TRAPPC9: variants seen among roughly 807,000 people sequenced by gnomAD.
The protein encoded by TRAPPC9 is IKK2 binding protein.
Under a neutral mutation model 124.0 loss-of-function variants are expected in TRAPPC9, and 83 were observed. The observed-to-expected ratio is 0.67, with a 90% CI of 0.56 to 0.80. The LOEUF is 0.80. Ranked by LOEUF, TRAPPC9 falls within the 30% of genes least tolerant of loss-of-function variation. The pLI, the probability that TRAPPC9 is intolerant of heterozygous loss-of-function variation, is 0.00. For missense variants in TRAPPC9, 1,302 were observed against 1,508.3 expected (o/e 0.86, Z 2.27); for synonymous variants, 638 against 617.5 (o/e 1.03, Z -0.49).
intron 1 of TRAPPC9, 151 bp from the exon 2 acceptor site, chr8:140,451,534 G>A (rs1588383486): frequency 1.6e-5 from 11 of 705,390 alleles, no homozygotes; most frequent in East Asian, 1.1e-4. Flanking sequence ...GGCTCTACAC[G>A]TGGCTGTCGC....
At chr8:139,813,425 G>C (rs1208961267) in intron 21 of TRAPPC9, among the ~76,000 whole-genome samples, 3 of 152,222 alleles carry the variant, frequency 2.0e-5, no homozygotes, top group Non-Finnish European at 2.9e-5. Flanking sequence ...ATGCTCCGGA[G>C]AGAAGGCACC....
intron 17 of TRAPPC9, among the ~76,000 whole-genome samples, chr8:140,072,586 A>AGGAG (rs1319612062): frequency 8.5e-5 from 3 of 35,164 alleles, no homozygotes; most frequent in African/African-American, 3.0e-4. Flanking sequence ...GAGGAGGAGG[A>AGGAG]GAAGGGAAGG....
intron 21 of TRAPPC9, among the ~76,000 whole-genome samples, chr8:139,884,946 T>G (rs545614348): frequency 6.6e-6 from 1 of 151,936 alleles, no homozygotes; most frequent in African/African-American, 2.4e-5. Context: ...GCTGGTGGAG[T>G]GCAAGGAGAA....
At chr8:139,842,556 C>A (rs1826797396) in intron 21 of TRAPPC9, among the ~76,000 whole-genome samples, 1 of 152,072 alleles carries the variant, frequency 6.6e-6, no homozygotes, top group Non-Finnish European at 1.5e-5. Context: ...CGATTCATCA[C>A]ATTTGTAAAT....
intron 21 of TRAPPC9, among the ~76,000 whole-genome samples, chr8:139,791,426 G>T (rs1288929749): frequency 2.2e-5 from 3 of 137,116 alleles, no homozygotes; most frequent in Non-Finnish European, 4.5e-5. Flanking sequence ...CACTCACACA[G>T]GTGTGTCTCC....
At chr8:139,884,282 C>A (rs1023224112) in intron 21 of TRAPPC9, among the ~76,000 whole-genome samples, 1 of 152,044 alleles carries the variant, frequency 6.6e-6, no homozygotes, top group Non-Finnish European at 1.5e-5. Flanking sequence ...CCATCAGAAC[C>A]TCTCCCCCAG....
At chr8:140,453,559 G>A (rs1222803776) in intron 1 of TRAPPC9, among the ~76,000 whole-genome samples, 3 of 70,230 alleles carry the variant, frequency 4.3e-5, no homozygotes, top group Non-Finnish European at 9.7e-5. Flanking sequence ...AATACACATG[G>A]ATAGAGAAGT....
intron 17 of TRAPPC9, among the ~76,000 whole-genome samples, chr8:140,160,643 C>T (rs757307851): frequency 2.3e-3 from 73 of 31,104 alleles, no homozygotes; most frequent in Non-Finnish European, 3.6e-3. Context: ...CAGGGCCTGT[C>T]GGGGGGTGGG....
In TRAPPC9 at chr8:139,932,232, C is replaced by T. The variant is rs187696755; in HGVS notation, c.2811-21932G>A. On this transcript the variant is annotated intron_variant, in intron 19 of 22. Coordinates refer to ENST00000438773, the MANE Select transcript of TRAPPC9 (RefSeq NM_001160372.4). ...CCGCAGGCAGCCCACAGAGCCACTT[C>T]GCCGTGCAGCCGAGGGAGTCCCGCA... 1.5e-3 allele frequency: 647 copies of T among 431,050 alleles called. 3 individuals carry two copies. Among genetic ancestry groups the T allele is most frequent in the African/African-American group, 0.011 (560 of 49,828 alleles). 26.7% of individuals were successfully genotyped at this position (431,050 alleles called of 1,614,324 possible).
chr8:139,863,205 G>T (rs1280743905), intron 21 of TRAPPC9, among the ~76,000 whole-genome samples: 1 of 152,248 alleles, frequency 6.6e-6, no homozygotes, highest in African/African-American at 2.4e-5. Flanking sequence ...GCTCAGGTGG[G>T]TCCTAGCATG....
chr8:139,874,821 T>C (rs1262738288), intron 21 of TRAPPC9, among the ~76,000 whole-genome samples: 2 of 152,120 alleles, frequency 1.3e-5, no homozygotes, highest in Non-Finnish European at 2.9e-5. Flanking sequence ...ACAACAAGCA[T>C]GGCCACAGGT....
At chr8:139,972,499 A>C (rs528497416) in intron 19 of TRAPPC9, among the ~76,000 whole-genome samples, 48 of 152,316 alleles carry the variant, frequency 3.2e-4, no homozygotes, top group African/African-American at 1.2e-3. Flanking sequence ...CGGGGAGGCT[A>C]CGCCACAGAA....
At chr8:140,445,299 G>A (rs1269981802) in intron 2 of TRAPPC9, among the ~76,000 whole-genome samples, 1 of 152,194 alleles carries the variant, frequency 6.6e-6, no homozygotes, top group African/African-American at 2.4e-5. Context: ...ACAGCACATG[G>A]CAAGCTTCCC....
chr8:139,800,699 G>A (rs1418494015), intron 21 of TRAPPC9, among the ~76,000 whole-genome samples: 2 of 152,154 alleles, frequency 1.3e-5, no homozygotes, highest in African/African-American at 4.8e-5. Context: ...GGCAGGGACT[G>A]GAGCCCAGGA....
intron 19 of TRAPPC9, among the ~76,000 whole-genome samples, chr8:139,978,547 A>C (rs778758424): frequency 6.6e-6 from 1 of 152,220 alleles, no homozygotes; most frequent in Non-Finnish European, 1.5e-5. Flanking sequence ...GAAATGGGGA[A>C]ATAGGTAGGG....
intron 1 of TRAPPC9, among the ~76,000 whole-genome samples, chr8:140,456,499 T>C (rs962184033): frequency 2.0e-5 from 3 of 152,166 alleles, no homozygotes; most frequent in Admixed American, 2.0e-4. Context: ...ATGAAGCTGT[T>C]ATTTTTGACA....
intron 17 of TRAPPC9, among the ~76,000 whole-genome samples, chr8:140,026,329 C>T (rs1156659627): frequency 3.3e-5 from 5 of 152,148 alleles, no homozygotes; most frequent in Non-Finnish European, 7.3e-5. Context: ...ACCCTGCTTT[C>T]GGTTCTTTGG....
At chr8:140,052,279 T>C (rs1170932205) in intron 17 of TRAPPC9, among the ~76,000 whole-genome samples, 2 of 152,180 alleles carry the variant, frequency 1.3e-5, no homozygotes, top group Non-Finnish European at 2.9e-5. Flanking sequence ...CTTAATTGGA[T>C]GTAAATGCAA....
intron 3 of TRAPPC9, among the ~76,000 whole-genome samples, chr8:140,438,687 T>TTTTTA (rs1327799186): frequency 1.3e-5 from 2 of 152,102 alleles, no homozygotes; most frequent in East Asian, 1.9e-4. Context: ...CTCATTTCTT[T>TTTTTA]TTTTATTTTA....
Sources: allele counts gnomAD v4.1 joint callset (sites outside exome capture counted in the v4.1 genomes callset), GRCh38; gene constraint gnomAD v4.1.1; transcripts MANE v1.5; gene names NCBI Gene and HGNC (gene_info 2026-07-23, HGNC 2026-07-21).